The following ZDHHC7 variants were observed in gnomAD, a reference collection of about 807,000 sequenced individuals.
ZDHHC7 encodes palmitoyltransferase ZDHHC7.
In ZDHHC7, 12 loss-of-function variants were observed where a neutral mutation model predicts 34.1. The observed-to-expected ratio is 0.35, with a 90% CI of 0.23 to 0.57. The LOEUF (loss-of-function observed/expected upper bound fraction) is 0.57. Ranked by LOEUF, ZDHHC7 falls within the 20% of genes least tolerant of loss-of-function variation. The probability of loss-of-function intolerance (pLI) is 0.84; values close to 1 mark genes in which losing one functional copy is unlikely to be tolerated. For synonymous variants in ZDHHC7, 185 were observed against 155.4 expected (o/e 1.19, Z -1.42); for missense variants, 388 against 402.7 (o/e 0.96, Z 0.31).
chr16:84,988,712 GA>G, intron 3 of ZDHHC7: 1 of 1,505,858 alleles, frequency 6.6e-7, no homozygotes, highest in Non-Finnish European at 9.0e-7. Flanking sequence ...GCAAACTGCT[GA>G]GGACTCCCAG....
At chr16:85,021,167 A>T in the ZDHHC7 span, among the ~76,000 whole-genome samples, 1 of 151,958 alleles carries the variant, frequency 6.6e-6, no homozygotes, top group Admixed American at 6.6e-5. Flanking sequence ...TAATCCCAGC[A>T]CTTTGGGAGG....
chr16:84,975,693 A>G lies in ZDHHC7; in HGVS notation c.*650T>C, dbSNP rs1162808581. Reference sequence around the variant, plus strand: ...AGCCGGTAAATGTTACATTGCCTAAACAACACTGGCAATTTTGACACACAT... The same window carrying G: ...AGCCGGTAAATGTTACATTGCCTAAGCAACACTGGCAATTTTGACACACAT... On this transcript the variant is annotated 3_prime_UTR_variant, in exon 8 of 8. Coordinates refer to ENST00000313732, the MANE Select transcript of ZDHHC7 (RefSeq NM_017740.3). The G allele has an allele frequency of 6.5e-6, 1 of 152,740 alleles. No homozygotes were observed. Among genetic ancestry groups the G allele is most frequent in the Non-Finnish European group, 1.5e-5 (1 of 68,124 alleles). The allele number at this position is 152,740 out of a possible 1,614,324, so 9.5% of individuals were successfully genotyped here. A position where few individuals can be genotyped will look rare whatever the true frequency, so the allele number is the denominator to read the frequency against.
At chr16:84,995,164 G>A (rs143459622) in intron 2 of ZDHHC7, among the ~76,000 whole-genome samples, 2 of 152,270 alleles carry the variant, frequency 1.3e-5, no homozygotes, top group East Asian at 3.9e-4. Context: ...CTCTCACACA[G>A]ATGCCCCAGC....
intron 1 of ZDHHC7, among the ~76,000 whole-genome samples, chr16:85,003,152 G>A (rs539678009): frequency 6.6e-6 from 1 of 152,284 alleles, no homozygotes; most frequent in Non-Finnish European, 1.5e-5. Context: ...GGGGCAGGAG[G>A]AGAGGCCTGG....
chr16:85,007,241 T>C (rs975864621), intron 1 of ZDHHC7, among the ~76,000 whole-genome samples: 6 of 151,388 alleles, frequency 4.0e-5, no homozygotes, highest in South Asian at 4.2e-4. Flanking sequence ...CTGGCCAACA[T>C]GGTAAAAACC....
chr16:85,021,670 A>T, the ZDHHC7 span, among the ~76,000 whole-genome samples: 2 of 152,090 alleles, frequency 1.3e-5, no homozygotes, highest in Middle Eastern at 3.2e-3. Flanking sequence ...GTGAGCAGAG[A>T]TTGTGCCACT....
Position 84,990,303 on chromosome 16 carries a change from C to T in ZDHHC7, c.315+1G>A, listed in dbSNP as rs759749966. On this transcript the variant is annotated splice_donor_variant, in intron 3 of 7. Transcript: ENST00000313732. LOFTEE classifies it high-confidence loss of function. ...CACCCAGAGACGCAGCCAGTACTCA[C>T]AGGGTCGGTGAGCATGGTTCTCAGG... 1 of 1,613,034 alleles carries T rather than the reference C, an allele frequency of 6.2e-7. No homozygotes were observed. Among genetic ancestry groups the T allele is most frequent in the Non-Finnish European group, 8.5e-7 (1 of 1,179,232 alleles).
chr16:85,009,701 C>CTTT lies in ZDHHC7; in HGVS notation c.-104+1582_-104+1584dup, dbSNP rs200213740. 3.7e-3 allele frequency among the ~76,000 whole-genome samples: 492 copies of CTTT among 132,112 alleles called. 9 individuals are homozygous for CTTT. Among genetic ancestry groups the CTTT allele is most frequent in the Middle Eastern group, 0.012 (3 of 252 alleles). The allele number at this position is 132,112 out of a possible 152,430, so 86.7% of individuals were successfully genotyped here. On this transcript the variant is annotated intron_variant, in intron 1 of 7. Coordinates refer to ENST00000313732, the MANE Select transcript of ZDHHC7 (RefSeq NM_017740.3). Reference sequence around the variant, plus strand: ...GCCTTTCACTTTAACCAAGTTCTGACTTTTTTTCTTTTTTTTTTTTTTTTT... The same window carrying CTTT: ...GCCTTTCACTTTAACCAAGTTCTGACTTTTTTTTTTCTTTTTTTTTTTTTTTTT...
At chr16:84,989,309 C>T (rs2072477637) in intron 3 of ZDHHC7, among the ~76,000 whole-genome samples, 1 of 152,190 alleles carries the variant, frequency 6.6e-6, no homozygotes, top group African/African-American at 2.4e-5. Context: ...AATGTACATC[C>T]AAACCCTGAA....
the ZDHHC7 span, among the ~76,000 whole-genome samples, chr16:85,019,091 T>A: frequency 6.6e-6 from 1 of 152,148 alleles, no homozygotes; most frequent in African/African-American, 2.4e-5. Flanking sequence ...GTGACCAAGG[T>A]CGTCCATGCT....
At chr16:84,997,660 T>C (rs1224013634) in intron 1 of ZDHHC7, among the ~76,000 whole-genome samples, 29 of 150,364 alleles carry the variant, frequency 1.9e-4, no homozygotes, top group Admixed American at 6.6e-4. Flanking sequence ...TTTGGGAGGC[T>C]GAGGTGGGCG....
At chr16:85,009,142 C>T (rs146987372) in intron 1 of ZDHHC7, among the ~76,000 whole-genome samples, 2,128 of 152,046 alleles carry the variant, frequency 0.014, 22 homozygotes, top group Middle Eastern at 0.031. Context: ...TGTCCAATCA[C>T]GAAAACTATT....
intron 3 of ZDHHC7, 85 bp from the exon 4 acceptor site, chr16:84,982,079 C>T (rs2072377532): frequency 1.3e-6 from 2 of 1,561,570 alleles, no homozygotes; most frequent in African/African-American, 1.4e-5. Flanking sequence ...CACCTGTAAT[C>T]CCAGCACTTT....
rs77517473 is a variant in ZDHHC7, at chr16:84,987,651, G to A, written c.315+2653C>T. ...TCCACACAAAAACTTACACGCGGCC[G>A]TTCAGAGCAGCATGATTTGTAACAG... On this transcript the variant is annotated intron_variant, in intron 3 of 7. Coordinates refer to ENST00000313732, the MANE Select transcript of ZDHHC7 (RefSeq NM_017740.3). Among the ~76,000 whole-genome samples, 687 of 152,312 alleles carry A rather than the reference G, an allele frequency of 4.5e-3. 5 individuals carry two copies. Among genetic ancestry groups the A allele is most frequent in the African/African-American group, 0.016 (661 of 41,562 alleles).
At chr16:84,980,741 T>C (rs1045809352) in intron 4 of ZDHHC7, among the ~76,000 whole-genome samples, 2 of 152,226 alleles carry the variant, frequency 1.3e-5, no homozygotes, top group African/African-American at 4.8e-5. Flanking sequence ...ATTTTTATTC[T>C]ATCTGCAGAG....
intron 3 of ZDHHC7, 22 bp from the exon 4 acceptor site, chr16:84,982,016 C>T: frequency 1.2e-6 from 2 of 1,613,500 alleles, no homozygotes; most frequent in Non-Finnish European, 1.7e-6. Context: ...GAAGAATGTA[C>T]TTTAGTTGGG....
the ZDHHC7 span, among the ~76,000 whole-genome samples, chr16:85,027,575 G>A: frequency 1.3e-5 from 2 of 152,238 alleles, no homozygotes; most frequent in African/African-American, 2.4e-5. Context: ...CCAGCAAGGG[G>A]GCGCCGGGCG....
At chr16:84,986,025 A>G (rs1455801450) in intron 3 of ZDHHC7, among the ~76,000 whole-genome samples, 1 of 151,740 alleles carries the variant, frequency 6.6e-6, no homozygotes, top group East Asian at 1.9e-4. Context: ...GAGGTGGTAT[A>G]AATACATTGC....
At chr16:85,012,852 G>A (rs2102069), upstream of ZDHHC7, among the ~76,000 whole-genome samples, 97,132 of 151,910 alleles carry the variant, frequency 0.64, 33,239 homozygotes, top group African/African-American at 0.89. Flanking sequence ...GGTTGCAGTG[G>A]GCCGAGATCG....
Sources: gnomAD v4.1 joint callset for allele counts (sites outside exome capture counted in the v4.1 genomes callset) on GRCh38, gnomAD v4.1.1 for gene constraint, MANE v1.5 for transcripts, NCBI Gene and HGNC (gene_info 2026-07-23, HGNC 2026-07-21) for gene names.